Variants in SYT14 observed in about 807,000 individuals in gnomAD.
SYT14 encodes synaptotagmin 14.
SYT14 carries 32 observed loss-of-function variants against 74.2 expected under a neutral mutation model. The ratio of observed to expected loss-of-function variants is 0.43; its 90% CI spans 0.33 to 0.58. The LOEUF (loss-of-function observed/expected upper bound fraction) is 0.58, where lower values mean the gene tolerates loss of function less well. SYT14 is among the 20% of genes least tolerant of loss of function. SYT14 has a pLI of 0.05. For missense variants in SYT14, 791 were observed against 981.8 expected (o/e 0.81, Z 2.60); for synonymous variants, 298 against 337.7 (o/e 0.88, Z 1.29).
At chr1:209,943,508 C>CAAAAA (rs58806792) in intron 1 of SYT14, among the ~76,000 whole-genome samples, 53 of 59,322 alleles carry the variant, frequency 8.9e-4, no homozygotes, top group South Asian at 3.8e-3. Context: ...GATTCAATCT[C>CAAAAA]AAAAAAAAAA....
chr1:210,103,339 A>G (rs969258630), intron 7 of SYT14, among the ~76,000 whole-genome samples: 2 of 151,994 alleles, frequency 1.3e-5, no homozygotes, highest in African/African-American at 4.8e-5. Flanking sequence ...TCATGAGGTC[A>G]GGAGATTGAG....
At chr1:209,962,879 A>G (rs927299791) in intron 2 of SYT14, among the ~76,000 whole-genome samples, 2 of 152,138 alleles carry the variant, frequency 1.3e-5, no homozygotes, top group Non-Finnish European at 2.9e-5. Flanking sequence ...GCCATCTAAA[A>G]GTGTCATTTT....
At chr1:209,938,643 G>C (rs1318994036) in intron 1 of SYT14, among the ~76,000 whole-genome samples, 2 of 152,060 alleles carry the variant, frequency 1.3e-5, no homozygotes, top group African/African-American at 4.8e-5. Flanking sequence ...TGGGAGGAGC[G>C]AGGGGCCACG....
At chr1:209,977,715 T>C (rs2079394870) in intron 2 of SYT14, among the ~76,000 whole-genome samples, 1 of 152,198 alleles carries the variant, frequency 6.6e-6, no homozygotes, top group South Asian at 2.1e-4. Flanking sequence ...AGTATCTTTG[T>C]GGCATTCTCT....
intron 7 of SYT14, among the ~76,000 whole-genome samples, chr1:210,111,293 A>G (rs1401087954): frequency 1.3e-5 from 2 of 152,210 alleles, no homozygotes; most frequent in East Asian, 1.9e-4. Context: ...GGTGGGTGTC[A>G]CAAGGTGCTC....
rs139687185 is a variant in SYT14, at chr1:210,093,940, T to C, written c.1313-382T>C. 1.5e-3 allele frequency among the ~76,000 whole-genome samples: 233 copies of C among 152,316 alleles called. 7 individuals carry two copies. In the East Asian group the frequency reaches 0.036, roughly 24 times the overall value. On this transcript the variant is annotated intron_variant, in intron 5 of 9. Transcript: ENST00000637265. Reference sequence around the variant, plus strand: ...ATTATTATGTTTGTTTTTCCAACCATATTTGTATCGCTTTGACCCTAGGGT... The same window carrying C: ...ATTATTATGTTTGTTTTTCCAACCACATTTGTATCGCTTTGACCCTAGGGT...
At chr1:210,160,908 A>G (rs1334982921) in exon 10 of SYT14, 2 of 1,613,920 alleles carry the variant, frequency 1.2e-6, no homozygotes, top group Non-Finnish European at 1.7e-6. Flanking sequence ...ACGCAGCATG[A>G]AAAGAAAAGA....
intron 7 of SYT14, among the ~76,000 whole-genome samples, chr1:210,122,856 CAGT>C (rs1426953518): frequency 1.3e-5 from 2 of 152,126 alleles, no homozygotes; most frequent in Non-Finnish European, 2.9e-5. Flanking sequence ...GCATATCAGT[CAGT>C]AGTTTGTAAA....
chr1:210,119,426 C>G (rs1558201661), intron 7 of SYT14, among the ~76,000 whole-genome samples: 1 of 152,176 alleles, frequency 6.6e-6, no homozygotes, highest in African/African-American at 2.4e-5. Flanking sequence ...ATACTGAATG[C>G]AGCCTAGGAC....
At chr1:210,124,754 T>C (rs1391196409) in intron 7 of SYT14, among the ~76,000 whole-genome samples, 1 of 152,222 alleles carries the variant, frequency 6.6e-6, no homozygotes, top group African/African-American at 2.4e-5. Context: ...TTAATCCCCA[T>C]TTTACAGATG....
chr1:209,961,216 A>G (rs1322679160), intron 2 of SYT14, among the ~76,000 whole-genome samples: 1 of 152,136 alleles, frequency 6.6e-6, no homozygotes, highest in Non-Finnish European at 1.5e-5. Flanking sequence ...CATAGTAGAA[A>G]AGTGTCTGAA....
intron 7 of SYT14, among the ~76,000 whole-genome samples, chr1:210,130,540 T>C (rs2082652816): frequency 6.6e-6 from 1 of 152,346 alleles, no homozygotes; most frequent in South Asian, 2.1e-4. Flanking sequence ...CATTTAGGAA[T>C]ACTGATTTGG....
intron 5 of SYT14, among the ~76,000 whole-genome samples, chr1:210,064,316 G>C (rs1332734695): frequency 6.6e-6 from 1 of 151,782 alleles, no homozygotes; most frequent in Non-Finnish European, 1.5e-5. Context: ...AAAGTATGCA[G>C]GTCTTTGACA....
At chr1:210,090,628 A>T (rs1168319414) in intron 5 of SYT14, among the ~76,000 whole-genome samples, 1 of 152,212 alleles carries the variant, frequency 6.6e-6, no homozygotes, top group Non-Finnish European at 1.5e-5. Context: ...TCGGGGTATG[A>T]AATTAGGTAA....
chr1:210,156,894 A>G (rs2083280845), intron 8 of SYT14: 1 of 397,954 alleles, frequency 2.5e-6, no homozygotes, highest in African/African-American at 2.0e-5. Context: ...GGTTTTCACC[A>G]TGTTGATCAA....
At chr1:209,983,510 C>G (rs2079524076) in intron 2 of SYT14, among the ~76,000 whole-genome samples, 1 of 152,102 alleles carries the variant, frequency 6.6e-6, no homozygotes, top group Non-Finnish European at 1.5e-5. Flanking sequence ...AGTAAACTTT[C>G]ATTTGATCTA....
intron 1 of SYT14, among the ~76,000 whole-genome samples, chr1:209,945,409 A>G (rs186062283): frequency 6.6e-6 from 1 of 152,310 alleles, no homozygotes; most frequent in African/African-American, 2.4e-5. Flanking sequence ...AATTAGGGAC[A>G]AAACTAAAAG....
chr1:210,031,758 A>G (rs1032000905), intron 5 of SYT14, among the ~76,000 whole-genome samples: 4 of 152,048 alleles, frequency 2.6e-5, no homozygotes, highest in Non-Finnish European at 5.9e-5. Context: ...GGAGATTGCT[A>G]TCTCTTTCTC....
intron 5 of SYT14, among the ~76,000 whole-genome samples, chr1:210,084,468 C>T (rs2081680245): frequency 6.6e-6 from 1 of 152,144 alleles, no homozygotes; most frequent in Non-Finnish European, 1.5e-5. Flanking sequence ...TGTATCTTAA[C>T]CAAGGCACTT....
Sources: allele counts gnomAD v4.1 joint callset (sites outside exome capture counted in the v4.1 genomes callset), GRCh38; gene constraint gnomAD v4.1.1; transcripts MANE v1.5; gene names NCBI Gene and HGNC (gene_info 2026-07-23, HGNC 2026-07-21).